LHFPL7: variants seen among roughly 807,000 people sequenced by gnomAD.
LHFPL7 encodes LHFPL tetraspan subfamily member 7 protein.
chr22:24,946,203 G>A, the LHFPL7 span, among the ~76,000 whole-genome samples: 2 of 152,032 alleles, frequency 1.3e-5, no homozygotes, highest in African/African-American at 2.4e-5. Context: ...CCAGCTATTC[G>A]GGAGGCTGAG....
chr22:24,940,575 G>A, the LHFPL7 span, among the ~76,000 whole-genome samples: 5 of 149,502 alleles, frequency 3.3e-5, no homozygotes, highest in South Asian at 4.2e-4. Context: ...CAGCCTGGGC[G>A]ACAGAGCGAG....
At chr22:24,944,600 C>G in the LHFPL7 span, among the ~76,000 whole-genome samples, 1 of 152,166 alleles carries the variant, frequency 6.6e-6, no homozygotes, top group Non-Finnish European at 1.5e-5. Context: ...GTTGCCCAGG[C>G]TGGAGTGCAG....
the LHFPL7 span, chr22:24,935,653 C>T: frequency 6.4e-7 from 1 of 1,563,006 alleles, no homozygotes; most frequent in Non-Finnish European, 8.7e-7. Flanking sequence ...CACTAACTTT[C>T]CATCCCACGA....
the LHFPL7 span, among the ~76,000 whole-genome samples, chr22:24,941,884 C>T: frequency 6.6e-6 from 1 of 152,148 alleles, no homozygotes; most frequent in Non-Finnish European, 1.5e-5. Context: ...CCAGGATGGT[C>T]TCCATCTCCT....
At chr22:24,944,222 G>A in the LHFPL7 span, among the ~76,000 whole-genome samples, 1 of 152,186 alleles carries the variant, frequency 6.6e-6, no homozygotes, top group Non-Finnish European at 1.5e-5. Context: ...ATGGAACTTA[G>A]ACTCTGGAGG....
the LHFPL7 span, among the ~76,000 whole-genome samples, chr22:24,942,892 A>AGTGTGTGTGT: frequency 1.3e-3 from 169 of 128,126 alleles, no homozygotes; most frequent in Admixed American, 3.6e-3. Flanking sequence ...AAGGGGATAA[A>AGTGTGTGTGT]GTGTGTGTGT....
chr22:24,942,100 G>A, the LHFPL7 span, among the ~76,000 whole-genome samples: 12 of 151,900 alleles, frequency 7.9e-5, 1 homozygote, highest in East Asian at 7.8e-4. Flanking sequence ...GGTTCATGCC[G>A]TTCTCCTGCC....
the LHFPL7 span, chr22:24,938,206 T>TG: frequency 5.0e-6 from 8 of 1,614,204 alleles, no homozygotes; most frequent in Middle Eastern, 1.6e-4. Flanking sequence ...CACAGCCCTT[T>TG]GGGGGCCACA....
At chr22:24,935,267 A>C in the LHFPL7 span, 125 of 1,546,006 alleles carry the variant, frequency 8.1e-5, 1 homozygote, top group Admixed American at 1.4e-3. Context: ...ATGGGATTTG[A>C]AGTTGGCTAC....
chr22:24,941,580 T>A, the LHFPL7 span, among the ~76,000 whole-genome samples: 1 of 149,404 alleles, frequency 6.7e-6, no homozygotes, highest in African/African-American at 2.5e-5. Flanking sequence ...TCTGTGAATG[T>A]GGTTTGATTT....
At chr22:24,941,680 G>T in the LHFPL7 span, among the ~76,000 whole-genome samples, 2 of 106,340 alleles carry the variant, frequency 1.9e-5, no homozygotes, top group Middle Eastern at 5.5e-3. Context: ...TTGTTCATTT[G>T]TTTTGTTTTG....
chr22:24,944,480 A>G, the LHFPL7 span, among the ~76,000 whole-genome samples: 5 of 152,206 alleles, frequency 3.3e-5, no homozygotes, highest in South Asian at 6.2e-4. Context: ...AAAGGCCCTG[A>G]GGGGAGTGTG....
the LHFPL7 span, among the ~76,000 whole-genome samples, chr22:24,944,670 T>C: frequency 6.6e-6 from 1 of 152,266 alleles, no homozygotes; most frequent in South Asian, 2.1e-4. Context: ...TCCTCCCACC[T>C]CAGCCTCCCA....
the LHFPL7 span, among the ~76,000 whole-genome samples, chr22:24,944,156 A>G: frequency 2.0e-5 from 3 of 152,104 alleles, no homozygotes; most frequent in Admixed American, 2.0e-4. Flanking sequence ...TGTTCCAGGA[A>G]CTGTTCTAGG....
At chr22:24,939,916 A>G in the LHFPL7 span, among the ~76,000 whole-genome samples, 4 of 120,142 alleles carry the variant, frequency 3.3e-5, no homozygotes, top group Non-Finnish European at 3.3e-5. Context: ...TCGTTCATTC[A>G]TTTATCGCTT....
the LHFPL7 span, chr22:24,935,605 G>C: frequency 8.1e-6 from 13 of 1,606,170 alleles, no homozygotes; most frequent in Admixed American, 2.0e-4. Flanking sequence ...GCTGGAGATA[G>C]CAGGAAGGAA....
the LHFPL7 span, among the ~76,000 whole-genome samples, chr22:24,944,266 A>G: frequency 4.6e-5 from 7 of 152,156 alleles, no homozygotes; most frequent in Non-Finnish European, 7.3e-5. Flanking sequence ...TAAGCAAGTC[A>G]ATATGTAATA....
the LHFPL7 span, among the ~76,000 whole-genome samples, chr22:24,939,781 A>C: frequency 6.6e-6 from 1 of 152,070 alleles, no homozygotes; most frequent in Admixed American, 6.5e-5. Flanking sequence ...TCCTAGAATA[A>C]ATGTTAGCCC....
the LHFPL7 span, chr22:24,946,669 AGGAATAATTTAGCT>A: frequency 6.6e-6 from 1 of 152,222 alleles, no homozygotes; most frequent in Non-Finnish European, 1.5e-5. Context: ...TCTCCTTTGA[AGGAATAATTTAGCT>A]TGTAGAACAA....
Sources: gnomAD v4.1 joint callset for allele counts (sites outside exome capture counted in the v4.1 genomes callset) on GRCh38, gnomAD v4.1.1 for gene constraint, MANE v1.5 for transcripts, NCBI Gene and HGNC (gene_info 2026-07-23, HGNC 2026-07-21) for gene names.